The following GRID2 variants were observed in gnomAD, a reference collection of about 807,000 sequenced individuals.
GRID2 encodes the protein glutamate receptor ionotropic, delta-2.
A neutral mutation model predicts 114.8 loss-of-function variants in GRID2; 33 were observed. The observed-to-expected ratio is 0.29, with a 90% CI of 0.22 to 0.38. GRID2 has a LOEUF of 0.38. Among genes scored for constraint, GRID2 ranks in the 10% least tolerant of loss-of-function variants. The pLI, the probability that GRID2 is intolerant of heterozygous loss-of-function variation, is 1.00. For synonymous variants in GRID2, 505 were observed against 449.9 expected (o/e 1.12, Z -1.55); for missense variants, 1,184 against 1,257.7 (o/e 0.94, Z 0.89).
chr4:92,522,784 G>A (rs113951508), intron 1 of GRID2, among the ~76,000 whole-genome samples: 1,648 of 152,090 alleles, frequency 0.011, 25 homozygotes, highest in African/African-American at 0.038. Flanking sequence ...GCAAGGCAAT[G>A]ACAGGACAGG....
rs1053474036 is a variant in GRID2, at chr4:93,773,693, T to C, written c.*1195T>C. On this transcript the variant is annotated 3_prime_UTR_variant, in exon 16 of 16. Coordinates refer to ENST00000282020, the MANE Select transcript of GRID2 (RefSeq NM_001510.4). ...AAGTCAATCAATACAATAATGATAT[T>C]TGGGGAGGGGTGGGAGCCCTTAAGA... 1.3e-5 allele frequency: 2 copies of C among 152,132 alleles called. No individual in the cohort carries two copies. Among genetic ancestry groups the C allele is most frequent in the Non-Finnish European group, 2.9e-5 (2 of 67,976 alleles). The allele number at this position is 152,132 out of a possible 1,614,324, so 9.4% of individuals were successfully genotyped here.
At chr4:93,128,044 A>ACAAAC in intron 4 of GRID2, among the ~76,000 whole-genome samples, 1 of 143,466 alleles carries the variant, frequency 7.0e-6, no homozygotes, top group Admixed American at 7.0e-5. Context: ...AAAAAAAAAA[A>ACAAAC]AAAAAAAAAA....
At chr4:92,895,634 G>A (rs1747111201) in intron 2 of GRID2, among the ~76,000 whole-genome samples, 1 of 151,768 alleles carries the variant, frequency 6.6e-6, no homozygotes, top group South Asian at 2.1e-4. Flanking sequence ...AAAATAGAGT[G>A]TAGTTTATAA....
In GRID2 at chr4:93,797,842, GAAA is replaced by G. The variant is rs10536515; in HGVS notation, c.222-8856_222-8854del. Among the ~76,000 whole-genome samples the G allele has an allele frequency of 6.2e-3, 798 of 128,054 alleles. 4 individuals are homozygous for G. The highest frequency in any genetic ancestry group is 0.012 in the South Asian group (45 of 3,748). 84.0% of individuals were successfully genotyped at this position (128,054 alleles called of 152,430 possible). A position where few individuals can be genotyped will look rare whatever the true frequency, so the allele number is the denominator to read the frequency against. Reference sequence around the variant, plus strand: ...GAAGGAGAAAAGTTTTCCCCAGGATGAAAAAAAAAAAAAAAAAAAGAGGAGCAA... The same window carrying G: ...GAAGGAGAAAAGTTTTCCCCAGGATGAAAAAAAAAAAAAAAAGAGGAGCAA... On this transcript the variant is annotated intron_variant, in intron 1 of 1. Transcript: ENST00000637838.
chr4:93,267,353 C>A (rs754825754), intron 8 of GRID2, among the ~76,000 whole-genome samples: 17 of 152,016 alleles, frequency 1.1e-4, no homozygotes, highest in Non-Finnish European at 2.4e-4. Context: ...CAAGTGCTGG[C>A]CACAATGGGG....
intron 12 of GRID2, among the ~76,000 whole-genome samples, chr4:93,504,513 C>T (rs1044772361): frequency 6.6e-6 from 1 of 151,844 alleles, no homozygotes; most frequent in African/African-American, 2.4e-5. Context: ...GTATAAGGAC[C>T]TTTACAAATA....
chr4:93,078,056 G>A (rs982971421), intron 2 of GRID2, among the ~76,000 whole-genome samples: 5 of 152,064 alleles, frequency 3.3e-5, no homozygotes, highest in Middle Eastern at 3.4e-3. Flanking sequence ...TGCCTCTCCC[G>A]CCATTCTAAC....
chr4:93,162,885 A>G (rs1333411605), intron 4 of GRID2, among the ~76,000 whole-genome samples: 2 of 151,980 alleles, frequency 1.3e-5, no homozygotes, highest in Non-Finnish European at 2.9e-5. Context: ...ATGCTGTGCA[A>G]GATTAAATGA....
intron 9 of GRID2, among the ~76,000 whole-genome samples, chr4:93,413,479 T>G (rs6836194): frequency 0.43 from 64,757 of 152,032 alleles, 14,857 homozygotes; most frequent in East Asian, 0.7. Context: ...ATTTGTTTTC[T>G]GGAAAACTTT....
chr4:92,373,049 AG>A (rs1729191032), intron 1 of GRID2, among the ~76,000 whole-genome samples: 1 of 152,190 alleles, frequency 6.6e-6, no homozygotes, highest in Non-Finnish European at 1.5e-5. Flanking sequence ...TGCTTCAGCC[AG>A]AGAGTGTTAG....
chr4:92,941,053 A>G lies in GRID2; in HGVS notation c.245-143942A>G, dbSNP rs539334511. 7.4e-4 allele frequency among the ~76,000 whole-genome samples: 113 copies of G among 152,072 alleles called. 1 individual carries two copies. The highest frequency in any genetic ancestry group is 2.7e-3 in the African/African-American group (112 of 41,504). ...TCTTTTATTGTTGTGTCTGTGCCAG[A>G]CTTTGGTATCAGGATGATGCTGGCC... is the stretch of plus-strand genomic sequence containing the variant. On this transcript the variant is annotated intron_variant, in intron 2 of 15. Coordinates refer to ENST00000282020, the MANE Select transcript of GRID2 (RefSeq NM_001510.4).
At position 93,643,921 on chromosome 4, in the gene GRID2, G is replaced by A. The variant is rs1721850537; in HGVS notation, c.2360+17486G>A. On this transcript the variant is annotated intron_variant, in intron 14 of 15. Coordinates refer to ENST00000282020, the MANE Select transcript of GRID2 (RefSeq NM_001510.4). ...GCGCCCCTCCCCCAGCCTAGTTGCC[G>A]CCTTGCAGTTTGATCTCAGACTGCT... is the stretch of plus-strand genomic sequence containing the variant. Among the ~76,000 whole-genome samples, 5 of 103,316 alleles carry A rather than the reference G, an allele frequency of 4.8e-5. 1 individual carries two copies. In the South Asian group the frequency reaches 9.2e-4, roughly 19 times the overall value. 67.8% of individuals were successfully genotyped at this position (103,316 alleles called of 152,430 possible).
intron 2 of GRID2, among the ~76,000 whole-genome samples, chr4:92,711,097 A>T (rs1358563235): frequency 1.3e-5 from 2 of 152,114 alleles, no homozygotes; most frequent in Non-Finnish European, 2.9e-5. Flanking sequence ...TTCTAAGTTA[A>T]TGTAACTTAT....
At position 92,590,249 on chromosome 4, in the gene GRID2, T is replaced by C. The variant is rs772742894; in HGVS notation, c.207T>C (p.Phe69=). The C allele has an allele frequency of 1.2e-6, 2 of 1,613,624 alleles. No homozygotes were observed. Among genetic ancestry groups the C allele is most frequent in the Non-Finnish European group, 1.7e-6 (2 of 1,179,602 alleles). ...QTEKITFSVT[F]VDGNNPFQAV... ...AGAAAATCACATTTTCAGTGACGTTTGTTGATGGCAACAACCCTTTCCAAG... is the reference window on the plus strand; with the variant it reads ...AGAAAATCACATTTTCAGTGACGTTCGTTGATGGCAACAACCCTTTCCAAG... The change falls in exon 2 of 16, where the codon TTT becomes TTC. Residue 69 remains phenylalanine, a synonymous_variant. Transcript: ENST00000282020.
intron 2 of GRID2, among the ~76,000 whole-genome samples, chr4:92,814,472 G>A (rs775023320): frequency 2.6e-5 from 4 of 152,062 alleles, no homozygotes; most frequent in Admixed American, 1.3e-4. Context: ...GGACATGCCC[G>A]TGGCTCACTG....
At chr4:92,748,727 T>A (rs575535966) in intron 2 of GRID2, among the ~76,000 whole-genome samples, 2 of 150,474 alleles carry the variant, frequency 1.3e-5, no homozygotes, top group African/African-American at 4.9e-5. Flanking sequence ...AGTGGTGTGA[T>A]CTCACCTCAC....
At chr4:92,771,491 T>C (rs746123815) in intron 2 of GRID2, among the ~76,000 whole-genome samples, 1 of 152,186 alleles carries the variant, frequency 6.6e-6, no homozygotes, top group Admixed American at 6.5e-5. Context: ...TTTTCTGTAT[T>C]TCATCCCTCT....
intron 13 of GRID2, among the ~76,000 whole-genome samples, chr4:93,533,234 C>A (rs1394297757): frequency 1.3e-5 from 2 of 150,248 alleles, no homozygotes; most frequent in African/African-American, 4.9e-5. Context: ...TTGTAGGGCC[C>A]TTTCTTTCTC....
intron 3 of GRID2, among the ~76,000 whole-genome samples, chr4:93,106,471 T>C (rs1473558777): frequency 6.6e-6 from 1 of 152,130 alleles, no homozygotes; most frequent in Non-Finnish European, 1.5e-5. Context: ...TTCAGCCTCC[T>C]AAGTAGCTGG....
Sources: gnomAD v4.1 joint callset for allele counts (sites outside exome capture counted in the v4.1 genomes callset) on GRCh38, gnomAD v4.1.1 for gene constraint, MANE v1.5 for transcripts, NCBI Gene and HGNC (gene_info 2026-07-23, HGNC 2026-07-21) for gene names.